Variants in MANBA observed in about 807,000 individuals in gnomAD.
MANBA encodes beta-mannosidase.
A neutral mutation model predicts 111.1 loss-of-function variants in MANBA; 83 were observed. The observed-to-expected ratio is 0.75, with a 90% CI of 0.63 to 0.90. MANBA has a LOEUF of 0.90. Among genes scored for constraint, MANBA ranks in the 40% least tolerant of loss-of-function variants. MANBA has a pLI of 0.00. For synonymous variants in MANBA, 370 were observed against 378.7 expected (o/e 0.98, Z 0.27); for missense variants, 1,036 against 1,069.0 (o/e 0.97, Z 0.43).
chr4:102,725,386 C>T (rs980502569), intron 2 of MANBA, among the ~76,000 whole-genome samples: 14 of 151,976 alleles, frequency 9.2e-5, no homozygotes, highest in African/African-American at 3.4e-4. Flanking sequence ...CAAGGAAGTG[C>T]TGACAGCATG....
chr4:102,679,089 C>A (rs1578895488), intron 7 of MANBA, among the ~76,000 whole-genome samples: 1 of 152,312 alleles, frequency 6.6e-6, no homozygotes, highest in East Asian at 1.9e-4. Flanking sequence ...TCTGAAAGTG[C>A]TCCCCCATGT....
rs116541393 is a variant in MANBA at position 102,646,928 on chromosome 4, G to A, written c.1869+3609C>T. 9.0e-3 allele frequency among the ~76,000 whole-genome samples: 1,368 copies of A among 152,092 alleles called. 25 individuals are homozygous for A. The highest frequency in any genetic ancestry group is 0.031 in the African/African-American group (1,302 of 41,504). On this transcript the variant is annotated intron_variant, in intron 13 of 16. Transcript: ENST00000647097. Reference sequence around the variant, plus strand: ...AAATTTACTGGACAGTTTTCTCAGCGAAGACTTTGCTAACAGTTGCAAATA... The same window carrying A: ...AAATTTACTGGACAGTTTTCTCAGCAAAGACTTTGCTAACAGTTGCAAATA...
chr4:102,748,578 T>C (rs527626062), intron 1 of MANBA, among the ~76,000 whole-genome samples: 6 of 152,172 alleles, frequency 3.9e-5, no homozygotes, highest in Non-Finnish European at 8.8e-5. Flanking sequence ...GAACTGGACC[T>C]AGAAGACAGG....
At chr4:102,695,224 A>G (rs180951601) in intron 5 of MANBA, among the ~76,000 whole-genome samples, 17 of 152,236 alleles carry the variant, frequency 1.1e-4, no homozygotes, top group East Asian at 3.9e-4. Flanking sequence ...ATTCTCATAC[A>G]GTCTACTCCT....
At chr4:102,758,551 CTT>C (rs374542775) in intron 1 of MANBA, among the ~76,000 whole-genome samples, 54 of 137,014 alleles carry the variant, frequency 3.9e-4, no homozygotes, top group Middle Eastern at 3.5e-3. Flanking sequence ...TACTTTTTTT[CTT>C]TTTTTTTTTT....
At chr4:102,737,615 TG>T (rs1339905839) in intron 1 of MANBA, among the ~76,000 whole-genome samples, 1 of 152,160 alleles carries the variant, frequency 6.6e-6, no homozygotes, top group Non-Finnish European at 1.5e-5. Context: ...CCTGAGTAGC[TG>T]GGACCACAGG....
In MANBA at chr4:102,657,710, G is replaced by C. The variant is rs1451518659; in HGVS notation, c.1676C>G (p.Ser559Cys). Residue 559 changes from serine (S) to cysteine (C), a missense_variant, in exon 12 of 17, where the codon TCC becomes TGC. Transcript: ENST00000647097. ...ARFASEYGYQ[S>C]WPSFSTLEKV... ...TTCTAATGTACTGAAGGACGGCCAG[G>C]ACTGATATCCATATTCAGATGCAAA... 6.2e-7 allele frequency: 1 copy of C among 1,612,896 alleles called. No individual in the cohort carries two copies. Among genetic ancestry groups the C allele is most frequent in the East Asian group, 2.2e-5 (1 of 44,864 alleles).
chr4:102,662,523 GA>G (rs1382483823), intron 11 of MANBA: 2 of 133,718 alleles, frequency 1.5e-5, no homozygotes, highest in African/African-American at 5.7e-5. Flanking sequence ...CCAGCCTGGT[GA>G]CAGATGAGAC....
intron 5 of MANBA, among the ~76,000 whole-genome samples, chr4:102,710,183 A>G (rs1486113458): frequency 6.6e-6 from 1 of 152,160 alleles, no homozygotes; most frequent in African/African-American, 2.4e-5. Flanking sequence ...AGAGAAAAAC[A>G]TAAAAGGTAC....
intron 1 of MANBA, chr4:102,729,105 C>T (rs781088962): frequency 1.2e-4 from 87 of 742,186 alleles, no homozygotes; most frequent in Non-Finnish European, 2.1e-4. Context: ...AGGGCGGCCT[C>T]CAGCTTGGAC....
intron 1 of MANBA, among the ~76,000 whole-genome samples, chr4:102,746,460 C>A (rs1723589214): frequency 6.6e-6 from 1 of 152,214 alleles, no homozygotes; most frequent in South Asian, 2.1e-4. Context: ...CTGAGCTCAT[C>A]ATTTTTCTTT....
intron 7 of MANBA, among the ~76,000 whole-genome samples, chr4:102,687,536 C>A (rs745691969): frequency 6.6e-6 from 1 of 152,158 alleles, no homozygotes; most frequent in Non-Finnish European, 1.5e-5. Flanking sequence ...TTCACTTCTG[C>A]AAACACACAA....
intron 16 of MANBA, 66 bp downstream of exon 16, chr4:102,634,722 T>C: frequency 6.3e-7 from 1 of 1,599,476 alleles, no homozygotes; most frequent in South Asian, 1.1e-5. Context: ...TGCAAGGAGC[T>C]GGCCCAAGAG....
intron 7 of MANBA, among the ~76,000 whole-genome samples, chr4:102,676,369 A>G (rs186982378): frequency 6.6e-6 from 1 of 152,258 alleles, no homozygotes; most frequent in East Asian, 1.9e-4. Context: ...CCAGACATGA[A>G]AAAACCCAGT....
intron 5 of MANBA, among the ~76,000 whole-genome samples, chr4:102,710,893 G>T (rs1007089998): frequency 5.3e-5 from 8 of 152,104 alleles, no homozygotes; most frequent in African/African-American, 1.9e-4. Context: ...TAAATGGTGC[G>T]GGGAAAATTG....
At position 102,722,901 on chromosome 4, in the gene MANBA, C is replaced by A. The variant is rs374792346; in HGVS notation, c.519G>T (p.Lys173Asn). The A allele has an allele frequency of 9.3e-6, 15 of 1,614,198 alleles. No homozygotes were observed. Among genetic ancestry groups the A allele is most frequent in the South Asian group, 2.2e-5 (2 of 91,084 alleles). The stretch of plus-strand genomic sequence containing the variant: ...GAACAAAGTTGACATGGCATTCACC[C>A]TTCTGCACAAGTGGAGGGCAGTCTG... ...VPPDCPPLVQKGECHVNFVRK... is the reference protein window; with the variant it reads ...VPPDCPPLVQNGECHVNFVRK... The change falls in exon 4 of 17, where the codon AAG (lysine) becomes AAT (asparagine). Residue 173 changes from lysine to asparagine, a missense_variant. Physicochemically the swap from Lys to Asn is moderately conservative, Grantham distance 94. Transcript: ENST00000647097.
At chr4:102,737,409 G>T (rs184689005) in intron 1 of MANBA, among the ~76,000 whole-genome samples, 49 of 152,108 alleles carry the variant, frequency 3.2e-4, no homozygotes, top group African/African-American at 5.1e-4. Context: ...AGTGCTGTTG[G>T]GGGGGCACAG....
chr4:102,674,990 G>T (rs899811184), intron 7 of MANBA, among the ~76,000 whole-genome samples: 1 of 152,130 alleles, frequency 6.6e-6, no homozygotes, highest in African/African-American at 2.4e-5. Context: ...AATGACAAAA[G>T]ACCTCAGAAT....
chr4:102,675,017 T>C (rs1560766288), intron 7 of MANBA, among the ~76,000 whole-genome samples: 1 of 152,200 alleles, frequency 6.6e-6, no homozygotes, highest in Non-Finnish European at 1.5e-5. Flanking sequence ...TACAAGAAGA[T>C]ACAGAATATG....
Sources: gnomAD v4.1 joint callset for allele counts (sites outside exome capture counted in the v4.1 genomes callset) on GRCh38, gnomAD v4.1.1 for gene constraint, MANE v1.5 for transcripts, NCBI Gene and HGNC (gene_info 2026-07-23, HGNC 2026-07-21) for gene names.